MARCHF1: variants seen among roughly 807,000 people sequenced by gnomAD.
MARCHF1 encodes membrane associated ring-CH-type finger 1.
In MARCHF1, 40 loss-of-function variants were observed where a neutral mutation model predicts 54.2. That is an observed-to-expected ratio of 0.74 (90% CI 0.57 to 0.96). MARCHF1 has a LOEUF of 0.96. MARCHF1 is among the 40% of genes least tolerant of loss of function. The pLI is 0.00. For missense variants in MARCHF1, 586 were observed against 656.5 expected (o/e 0.89, Z 1.17); for synonymous variants, 236 against 236.3 (o/e 1.00, Z 0.01).
intron 1 of MARCHF1, among the ~76,000 whole-genome samples, chr4:164,177,004 A>T: frequency 1.1e-5 from 1 of 91,842 alleles, no homozygotes; most frequent in South Asian, 3.5e-4. Flanking sequence ...ATATATATAT[A>T]TATATACAAA....
intron 1 of MARCHF1, among the ~76,000 whole-genome samples, chr4:164,233,354 G>C (rs1732466923): frequency 1.3e-5 from 2 of 152,016 alleles, no homozygotes. Flanking sequence ...TCATTGTTTT[G>C]AGTATAAGGC....
At chr4:164,092,641 T>C (rs779932993) in intron 2 of MARCHF1, among the ~76,000 whole-genome samples, 4 of 152,178 alleles carry the variant, frequency 2.6e-5, no homozygotes, top group Non-Finnish European at 5.9e-5. Context: ...AACTTTCGTC[T>C]GCAGTGCTTC....
intron 1 of MARCHF1, among the ~76,000 whole-genome samples, chr4:164,329,704 C>G (rs948630992): frequency 1.3e-5 from 2 of 152,128 alleles, no homozygotes; most frequent in East Asian, 1.9e-4. Flanking sequence ...AGAGCAGGCA[C>G]GTCACACGGC....
At chr4:164,146,373 T>C (rs968079000) in intron 1 of MARCHF1, among the ~76,000 whole-genome samples, 6 of 151,770 alleles carry the variant, frequency 4.0e-5, no homozygotes, top group African/African-American at 1.5e-4. Context: ...AAGTCAATCC[T>C]GAACCAAAAG....
intron 9 of MARCHF1, among the ~76,000 whole-genome samples, chr4:163,534,333 A>G (rs1221290959): frequency 6.6e-6 from 1 of 152,098 alleles, no homozygotes; most frequent in Admixed American, 6.6e-5. Context: ...CATCTGGCCC[A>G]GAGGAAGAAG....
intron 2 of MARCHF1, among the ~76,000 whole-genome samples, chr4:164,092,895 C>G (rs1755334104): frequency 1.3e-5 from 2 of 152,168 alleles, no homozygotes; most frequent in South Asian, 4.1e-4. Context: ...TTCTCTTATT[C>G]CACATCCAAC....
Position 164,135,882 on chromosome 4 carries a change from T to C in MARCHF1, c.-322-24220A>G, listed in dbSNP as rs149493033. 5.9e-3 allele frequency among the ~76,000 whole-genome samples: 901 copies of C among 152,318 alleles called. 8 individuals carry two copies. The highest frequency in any genetic ancestry group is 0.021 in the African/African-American group (863 of 41,586). ...TTTTCCTCAACTCAATAAATGAGAA[T>C]GTTCAGGGGTCCACTTCAGGGGGAT... is the stretch of plus-strand genomic sequence containing the variant. On this transcript the variant is annotated intron_variant, in intron 1 of 9. Coordinates refer to ENST00000514618, the MANE Select transcript of MARCHF1 (RefSeq NM_001394959.1).
intron 3 of MARCHF1, among the ~76,000 whole-genome samples, chr4:163,923,523 T>C (rs938681987): frequency 6.6e-6 from 1 of 152,130 alleles, no homozygotes; most frequent in Non-Finnish European, 1.5e-5. Context: ...CAGTTTTTAT[T>C]ACAGGCTAGT....
At chr4:164,251,540 T>A (rs1447101581) in intron 1 of MARCHF1, among the ~76,000 whole-genome samples, 2 of 152,178 alleles carry the variant, frequency 1.3e-5, no homozygotes, top group Non-Finnish European at 2.9e-5. Flanking sequence ...CTTTAATACT[T>A]TAAAATTTTG....
At chr4:163,939,323 T>A (rs2110744476) in intron 3 of MARCHF1, among the ~76,000 whole-genome samples, 1 of 152,282 alleles carries the variant, frequency 6.6e-6, no homozygotes, top group East Asian at 1.9e-4. Flanking sequence ...ACTTCCTGTA[T>A]CCTTGATAAT....
chr4:163,699,845 T>C (rs1213199328), intron 5 of MARCHF1, among the ~76,000 whole-genome samples: 2 of 152,168 alleles, frequency 1.3e-5, no homozygotes, highest in East Asian at 1.9e-4. Flanking sequence ...TTTTAAAGAA[T>C]AGCTCTTACA....
At chr4:163,551,598 G>A (rs1579054950) in intron 8 of MARCHF1, among the ~76,000 whole-genome samples, 1 of 152,224 alleles carries the variant, frequency 6.6e-6, no homozygotes, top group African/African-American at 2.4e-5. Flanking sequence ...GTGTACACAA[G>A]TGCAAACTTG....
intron 4 of MARCHF1, among the ~76,000 whole-genome samples, chr4:163,803,557 G>C (rs1173666916): frequency 6.6e-6 from 1 of 151,634 alleles, no homozygotes; most frequent in East Asian, 1.9e-4. Context: ...AAATGCTTTA[G>C]CTTTGCAAGC....
chr4:164,136,458 T>C (rs551035316), intron 1 of MARCHF1, among the ~76,000 whole-genome samples: 3 of 152,076 alleles, frequency 2.0e-5, no homozygotes, highest in Non-Finnish European at 4.4e-5. Flanking sequence ...TCCCCAGATA[T>C]GTATAACACT....
rs553862060 is a variant in MARCHF1, at chr4:164,065,924, T to A, written c.-248+45664A>T. On this transcript the variant is annotated intron_variant, in intron 2 of 9. Transcript: ENST00000514618. ...CCAGCTTATTCCACCTTCTTCCGCC[T>A]GCTTTGTTCTAGGAGCTGACAGCCA... Among the ~76,000 whole-genome samples, 5 of 152,340 alleles carry A rather than the reference T, an allele frequency of 3.3e-5. No individual in the cohort carries two copies. In the South Asian group the frequency reaches 1.0e-3, roughly 32 times the overall value.
At chr4:163,726,679 C>G (rs1442316554) in intron 4 of MARCHF1, among the ~76,000 whole-genome samples, 1 of 152,198 alleles carries the variant, frequency 6.6e-6, no homozygotes, top group African/African-American at 2.4e-5. Context: ...AAGAAACTCA[C>G]AAACTATCTT....
chr4:163,713,739 C>G (rs1745177373), intron 4 of MARCHF1, among the ~76,000 whole-genome samples: 1 of 152,082 alleles, frequency 6.6e-6, no homozygotes, highest in African/African-American at 2.4e-5. Context: ...TTAGATCTCA[C>G]CTATGGATAG....
At chr4:164,326,845 G>A (rs1735292778) in intron 1 of MARCHF1, among the ~76,000 whole-genome samples, 1 of 151,924 alleles carries the variant, frequency 6.6e-6, no homozygotes, top group Non-Finnish European at 1.5e-5. Flanking sequence ...CAGATTTTCT[G>A]CTTATTTGTT....
intron 1 of MARCHF1, among the ~76,000 whole-genome samples, chr4:164,263,134 G>A (rs1328234450): frequency 1.3e-5 from 2 of 150,102 alleles, no homozygotes; most frequent in African/African-American, 4.9e-5. Context: ...ATGTGTGTAC[G>A]CGTGCGTGTG....
Sources: gnomAD v4.1 joint callset for allele counts (sites outside exome capture counted in the v4.1 genomes callset) on GRCh38, gnomAD v4.1.1 for gene constraint, MANE v1.5 for transcripts, NCBI Gene and HGNC (gene_info 2026-07-23, HGNC 2026-07-21) for gene names.